Variants in STX7 observed in about 807,000 individuals in gnomAD.
STX7 encodes syntaxin 7.
In STX7, 34 loss-of-function variants were observed where a neutral mutation model predicts 39.6. That is an observed-to-expected ratio of 0.86 (90% CI 0.65 to 1.14). The LOEUF (loss-of-function observed/expected upper bound fraction) is 1.14, where lower values mean the gene tolerates loss of function less well. Among genes scored for constraint, STX7 ranks in the 50% most tolerant of loss-of-function variants. The probability of loss-of-function intolerance (pLI) is 0.00; values close to 1 mark genes in which losing one functional copy is unlikely to be tolerated. For missense variants in STX7, 284 were observed against 310.4 expected (o/e 0.92, Z 0.64); for synonymous variants, 119 against 99.1 (o/e 1.20, Z -1.19).
chr6:132,471,103 T>A (rs1582652446), intron 5 of STX7, among the ~76,000 whole-genome samples: 1 of 152,342 alleles, frequency 6.6e-6, no homozygotes. Context: ...CATCTTGGTG[T>A]AATCCAGGAG....
rs532199054 is a variant in STX7, at chr6:132,464,899, T to A, written c.611-824A>T. Among the ~76,000 whole-genome samples, 3 of 152,138 alleles carry A rather than the reference T, an allele frequency of 2.0e-5. No homozygotes were observed. The South Asian group carries it at 6.2e-4, about 32-fold the overall frequency. On this transcript the variant is annotated intron_variant, in intron 8 of 9. Coordinates refer to ENST00000367941, the MANE Select transcript of STX7 (RefSeq NM_003569.3). ...TCCAGGGGCCTGGAGGTGGAACGGG[T>A]GTCATTTTGAAGCATGAGACCCTTT...
In STX7 at chr6:132,448,171, C is replaced by T. The variant is rs1391690742; in HGVS notation, c.*12587G>A. 1 of 152,202 alleles carries T rather than the reference C, an allele frequency of 6.6e-6. No individual in the cohort carries two copies. Among genetic ancestry groups the T allele is most frequent in the East Asian group, 1.9e-4 (1 of 5,202 alleles). 9.4% of individuals were successfully genotyped at this position (152,202 alleles called of 1,614,324 possible). On this transcript the variant is annotated 3_prime_UTR_variant, in exon 10 of 10. Coordinates refer to ENST00000367941, the MANE Select transcript of STX7 (RefSeq NM_003569.3). ...TAAGTGCTCCCGGACACTTTCCCCA[C>T]ATATACATTTCCTGAGTTATGTAAA... is the stretch of plus-strand genomic sequence containing the variant.
At position 132,506,764 on chromosome 6, in the gene STX7, G is replaced by C. The variant is rs184938282; in HGVS notation, c.-58-3176C>G. 2.8e-3 allele frequency among the ~76,000 whole-genome samples: 423 copies of C among 151,922 alleles called. 1 individual carries two copies. The highest frequency in any genetic ancestry group is 5.5e-3 in the Admixed American group (84 of 15,272). On this transcript the variant is annotated intron_variant, in intron 1 of 9. Coordinates refer to ENST00000367941, the MANE Select transcript of STX7 (RefSeq NM_003569.3). ...AGAACTAAAAATAGAATTAATATTT[G>C]ATCCAGTAACCTCGTTACTGGGTAT...
intron 2 of STX7, among the ~76,000 whole-genome samples, chr6:132,496,572 T>C (rs1038625821): frequency 3.3e-5 from 5 of 152,214 alleles, no homozygotes; most frequent in African/African-American, 1.2e-4. Context: ...GATTCAGATA[T>C]GGCAATCAGC....
intron 2 of STX7, among the ~76,000 whole-genome samples, chr6:132,496,064 T>C (rs565762246): frequency 2.0e-5 from 3 of 152,330 alleles, no homozygotes; most frequent in Admixed American, 1.3e-4. Context: ...TCATACTTTA[T>C]GTGCCCCTAG....
rs1774189875 is a variant in STX7, at chr6:132,453,813, A to G, written c.*6945T>C. ...GAAAAGGACATGAAGCAACTAGATC[A>G]CTCATACACCACTGGTGGGTATATA... On this transcript the variant is annotated 3_prime_UTR_variant, in exon 10 of 10. Transcript: ENST00000367941. 1 of 152,026 alleles carries G rather than the reference A, an allele frequency of 6.6e-6. No individual in the cohort carries two copies. The highest frequency in any genetic ancestry group is 6.6e-5 in the Admixed American group (1 of 15,228). The allele number at this position is 152,026 out of a possible 1,614,324, so 9.4% of individuals were successfully genotyped here.
intron 1 of STX7, among the ~76,000 whole-genome samples, chr6:132,506,287 G>A (rs2114481670): frequency 6.6e-6 from 1 of 152,012 alleles, no homozygotes; most frequent in East Asian, 1.9e-4. Flanking sequence ...CACAGCAAAA[G>A]AAATAATAAA....
chr6:132,505,756 A>AAAAC (rs1775687856), intron 1 of STX7, among the ~76,000 whole-genome samples: 2 of 149,788 alleles, frequency 1.3e-5, no homozygotes, highest in East Asian at 2.0e-4. Flanking sequence ...AAAAAAAAAA[A>AAAAC]AAAAAAAACA....
intron 4 of STX7, 127 bp downstream of exon 4, chr6:132,472,155 A>C: frequency 1.4e-6 from 1 of 718,028 alleles, no homozygotes; most frequent in East Asian, 2.8e-5. Context: ...AACTAATCTC[A>C]AACAGAATTA....
chr6:132,493,439 A>T (rs1481029708), intron 2 of STX7, among the ~76,000 whole-genome samples: 1 of 152,138 alleles, frequency 6.6e-6, no homozygotes, highest in Non-Finnish European at 1.5e-5. Context: ...TTGGATCATG[A>T]GGGTGGTCAT....
intron 7 of STX7, among the ~76,000 whole-genome samples, chr6:132,469,728 A>G (rs1774661413): frequency 6.6e-6 from 1 of 152,180 alleles, no homozygotes; most frequent in South Asian, 2.1e-4. Flanking sequence ...AATCCCAGCT[A>G]CTCAGCAAGC....
chr6:132,491,554 C>T (rs1302761206), intron 2 of STX7, among the ~76,000 whole-genome samples: 1 of 152,152 alleles, frequency 6.6e-6, no homozygotes, highest in Non-Finnish European at 1.5e-5. Flanking sequence ...TGGCTCGCTG[C>T]CATTCTGTCC....
At chr6:132,473,304 T>C (rs745936582) in intron 3 of STX7, among the ~76,000 whole-genome samples, 2 of 152,184 alleles carry the variant, frequency 1.3e-5, no homozygotes, top group Non-Finnish European at 2.9e-5. Context: ...TCCCTCAGTA[T>C]CTGCAGATTG....
At chr6:132,475,689 A>C in intron 2 of STX7, 27 bp from the exon 3 acceptor site, 1 of 1,520,378 alleles carries the variant, frequency 6.6e-7, no homozygotes, top group South Asian at 1.2e-5. Context: ...TTCATGTATT[A>C]ATTGTCACAA....
At chr6:132,470,528 T>C in intron 6 of STX7, 46 bp downstream of exon 6, 1 of 1,461,160 alleles carries the variant, frequency 6.8e-7, no homozygotes, top group South Asian at 1.2e-5. Context: ...ATGTATAAAC[T>C]TTGAAAAATT....
At position 132,458,036 on chromosome 6, in the gene STX7, T is replaced by C. The variant is rs75954939; in HGVS notation, c.*2722A>G. On this transcript the variant is annotated 3_prime_UTR_variant, in exon 10 of 10. Transcript: ENST00000367941. ...TGTACTTTCCTTGCTAAACCACAGA[T>C]GTATTTCATGGAAAGAGGGGCCTTT... 5.3e-4 allele frequency: 80 copies of C among 152,364 alleles called. No homozygotes were observed. In the East Asian group the frequency reaches 0.013, roughly 24 times the overall value. The allele number at this position is 152,364 out of a possible 1,614,324, so 9.4% of individuals were successfully genotyped here.
chr6:132,501,717 C>T (rs1775562591), intron 2 of STX7, among the ~76,000 whole-genome samples: 1 of 152,276 alleles, frequency 6.6e-6, no homozygotes, highest in South Asian at 2.1e-4. Context: ...GATGCTTATC[C>T]TCTTCTTTGG....
Position 132,460,772 on chromosome 6 carries a change from C to A in STX7, c.772G>T (p.Gly258Ter). ...GVAIISLIIW[G>*]LNH ...CCTTTATAACTTCAGTGGTTCAATCCCCATATGATGAGACTGATAATCGCA... is the reference window on the plus strand; with the variant it reads ...CCTTTATAACTTCAGTGGTTCAATCACCATATGATGAGACTGATAATCGCA... Residue 258 changes from glycine to a stop codon, truncating the protein, a stop_gained, in exon 10 of 10, where the codon GGA becomes TGA. Transcript: ENST00000367941. LOFTEE classifies it high-confidence loss of function. 6.2e-7 allele frequency: 1 copy of A among 1,612,218 alleles called. No individual in the cohort carries two copies. The highest frequency in any genetic ancestry group is 8.5e-7 in the Non-Finnish European group (1 of 1,178,804).
At chr6:132,474,813 A>G (rs1349632988) in intron 3 of STX7, among the ~76,000 whole-genome samples, 5 of 152,202 alleles carry the variant, frequency 3.3e-5, no homozygotes, top group Non-Finnish European at 7.3e-5. Flanking sequence ...GTCTTCTAAC[A>G]GCATATTAAT....
Sources: gnomAD v4.1 joint callset for allele counts (sites outside exome capture counted in the v4.1 genomes callset) on GRCh38, gnomAD v4.1.1 for gene constraint, MANE v1.5 for transcripts, NCBI Gene and HGNC (gene_info 2026-07-23, HGNC 2026-07-21) for gene names.